The following ATP9A variants were observed in gnomAD, a reference collection of about 807,000 sequenced individuals.
ATP9A encodes the protein probable phospholipid-transporting ATPase IIA.
Under a neutral mutation model 144.1 loss-of-function variants are expected in ATP9A, and 52 were observed. The observed-to-expected ratio is 0.36, with a 90% confidence interval of 0.29 to 0.45. The LOEUF is 0.45. Ranked by LOEUF, ATP9A falls within the 20% of genes least tolerant of loss-of-function variation. The probability of loss-of-function intolerance (pLI) is 1.00; values close to 1 mark genes in which losing one functional copy is unlikely to be tolerated. For synonymous variants in ATP9A, 582 were observed against 557.4 expected, an observed-to-expected ratio of 1.04 and a Z score of -0.62; for missense variants, 947 against 1,392.7, an observed-to-expected ratio of 0.68 and a Z score of 5.09.
At chr20:51,762,099 T>A (rs2077883255) in intron 1 of ATP9A, among the ~76,000 whole-genome samples, 1 of 152,116 alleles carries the variant, frequency 6.6e-6, no homozygotes, top group Non-Finnish European at 1.5e-5. Flanking sequence ...GGTCAGTGGC[T>A]CACACCTGTA....
chr20:51,618,541 A>C, intron 21 of ATP9A, 121 bp downstream of exon 21: 4 of 1,377,700 alleles, frequency 2.9e-6, no homozygotes, highest in Non-Finnish European at 3.9e-6. Flanking sequence ...AAAAATCATG[A>C]CCTGAACAAA....
At chr20:51,650,752 T>C (rs2122761733) in intron 14 of ATP9A, among the ~76,000 whole-genome samples, 1 of 152,186 alleles carries the variant, frequency 6.6e-6, no homozygotes, top group South Asian at 2.1e-4. Context: ...ACACTCTGCA[T>C]GTTACCTAGA....
chr20:51,601,412 G>T, intron 27 of ATP9A, 65 bp from the exon 28 acceptor site: 2 of 1,462,698 alleles, frequency 1.4e-6, no homozygotes, highest in Non-Finnish European at 1.8e-6. Context: ...ATGGGGTCCA[G>T]AAACAGGCGT....
chr20:51,702,273 C>G (rs1490421707), intron 4 of ATP9A, among the ~76,000 whole-genome samples: 1 of 136,874 alleles, frequency 7.3e-6, no homozygotes, highest in African/African-American at 2.8e-5. Flanking sequence ...GCCCGGGTGA[C>G]AGTGCAAGAC....
rs533705009 is a variant in ATP9A, at chr20:51,749,516, G to C, written c.68+18786C>G. Among the ~76,000 whole-genome samples, 10 of 152,262 alleles carry C rather than the reference G, an allele frequency of 6.6e-5. No homozygotes were observed. In the East Asian group the frequency reaches 1.9e-3, roughly 29 times the overall value. On this transcript the variant is annotated intron_variant, in intron 1 of 27. Transcript: ENST00000338821. ...TGACCCCAGGTGATCCACCCACCTT[G>C]GTCTCCCAAAGTGCTGGGATTATAG...
intron 9 of ATP9A, among the ~76,000 whole-genome samples, chr20:51,683,941 C>G (rs2077511305): frequency 6.6e-6 from 1 of 152,058 alleles, no homozygotes; most frequent in South Asian, 2.1e-4. Context: ...GGAAAATTTT[C>G]TTAGCATGAC....
chr20:51,620,535 A>G (rs906589362), intron 19 of ATP9A, among the ~76,000 whole-genome samples: 1 of 152,124 alleles, frequency 6.6e-6, no homozygotes, highest in African/African-American at 2.4e-5. Flanking sequence ...GCTCACAGCC[A>G]CCAGTTCTGT....
intron 3 of ATP9A, 97 bp from the exon 4 acceptor site, chr20:51,713,171 T>C: frequency 9.4e-7 from 1 of 1,068,538 alleles, no homozygotes; most frequent in Non-Finnish European, 1.4e-6. Context: ...AGGCGAGAGG[T>C]CACTTGGGAG....
In ATP9A at chr20:51,729,993, C is replaced by T. The variant is rs755913254; in HGVS notation, c.69-15G>A. The T allele has an allele frequency of 6.6e-7, 1 of 1,519,076 alleles. No individual in the cohort carries two copies. The highest frequency in any genetic ancestry group is 8.8e-7 in the Non-Finnish European group (1 of 1,137,702). 94.1% of individuals were successfully genotyped at this position (1,519,076 alleles called of 1,614,324 possible). ...ACTCGCAGCACCTGTGGGAAAGAAA[C>T]CCACGCATCAAGGCCACGCCCACGC... On this transcript the variant is annotated splice_polypyrimidine_tract_variant and intron_variant, in intron 1 of 27. Coordinates refer to ENST00000338821, the MANE Select transcript of ATP9A (RefSeq NM_006045.3).
intron 4 of ATP9A, among the ~76,000 whole-genome samples, chr20:51,707,192 T>C (rs1407233841): frequency 6.6e-6 from 1 of 152,242 alleles, no homozygotes; most frequent in Non-Finnish European, 1.5e-5. Flanking sequence ...AATGCCCTGC[T>C]GTTGCCATCT....
rs201375752 is a variant in ATP9A at position 51,618,818 on chromosome 20, A to T, written c.2206-12T>A. Reference sequence around the variant, plus strand: ...TACTTGAGGCAAACCTGCAGGGTGGAGGGAGAGGTGGTGCGTTGGTGGAGG... The same window carrying T: ...TACTTGAGGCAAACCTGCAGGGTGGTGGGAGAGGTGGTGCGTTGGTGGAGG... On this transcript the variant is annotated splice_polypyrimidine_tract_variant and intron_variant, in intron 20 of 27. Transcript: ENST00000338821. 4.2e-5 allele frequency: 67 copies of T among 1,581,382 alleles called. No homozygotes were observed. In the East Asian group the frequency reaches 1.5e-3, roughly 35 times the overall value.
chr20:51,755,301 G>A (rs993827980), intron 1 of ATP9A, among the ~76,000 whole-genome samples: 4 of 151,710 alleles, frequency 2.6e-5, no homozygotes, highest in Admixed American at 6.6e-5. Flanking sequence ...CTGGCGTGGT[G>A]CCACGGGCCT....
intron 1 of ATP9A, among the ~76,000 whole-genome samples, chr20:51,743,403 T>TTTTTTTA (rs1289110085): frequency 7.4e-6 from 1 of 134,628 alleles, no homozygotes; most frequent in Non-Finnish European, 1.6e-5. Context: ...CTGATTTTTT[T>TTTTTTTA]TTTTTTTTTT....
At chr20:51,661,192 G>T (rs1173353649) in intron 13 of ATP9A, among the ~76,000 whole-genome samples, 2 of 152,082 alleles carry the variant, frequency 1.3e-5, no homozygotes, top group Non-Finnish European at 2.9e-5. Flanking sequence ...CACAGCTAGG[G>T]CCATTTCCTG....
intron 26 of ATP9A, among the ~76,000 whole-genome samples, chr20:51,606,860 AGAGT>A (rs1375568023): frequency 1.3e-5 from 2 of 151,888 alleles, no homozygotes; most frequent in Non-Finnish European, 2.9e-5. Context: ...CCTGGGCAAC[AGAGT>A]GAGACCCTCC....
chr20:51,710,247 G>A (rs13038180), intron 4 of ATP9A, among the ~76,000 whole-genome samples: 8,426 of 152,174 alleles, frequency 0.055, 416 homozygotes, highest in African/African-American at 0.13. Flanking sequence ...AGGTTGCAGC[G>A]AGCGAAGATC....
chr20:51,630,701 T>TA (rs940166476), intron 15 of ATP9A, among the ~76,000 whole-genome samples: 5 of 150,720 alleles, frequency 3.3e-5, no homozygotes, highest in African/African-American at 7.3e-5. Context: ...AACTCCATCT[T>TA]AAAAAAAAAG....
rs1339320949 is a variant in ATP9A at position 51,718,854 on chromosome 20, G to A, written c.328-5780C>T. Among the ~76,000 whole-genome samples the A allele has an allele frequency of 2.6e-5, 3 of 116,210 alleles. No individual in the cohort carries two copies. In the Admixed American group the frequency reaches 2.8e-4, roughly 11 times the overall value. The allele number at this position is 116,210 out of a possible 152,430, so 76.2% of individuals were successfully genotyped here. On this transcript the variant is annotated intron_variant, in intron 3 of 27. Coordinates refer to ENST00000338821, the MANE Select transcript of ATP9A (RefSeq NM_006045.3). ...AAAAAAAAAAAAAAAAACAGGCCGG[G>A]TGCAGTAGCTCATACCTGTAATCCC... is the stretch of plus-strand genomic sequence containing the variant.
chr20:51,696,604 TA>T (rs948316415), intron 5 of ATP9A, among the ~76,000 whole-genome samples: 9 of 151,928 alleles, frequency 5.9e-5, no homozygotes, highest in Admixed American at 3.3e-4. Context: ...AAAGCCATTC[TA>T]AAAAAAACTG....
Sources: gnomAD v4.1 joint callset for allele counts (sites outside exome capture counted in the v4.1 genomes callset) on GRCh38, gnomAD v4.1.1 for gene constraint, MANE v1.5 for transcripts, NCBI Gene and HGNC (gene_info 2026-07-23, HGNC 2026-07-21) for gene names.